TEAD1: variants seen among roughly 807,000 people sequenced by gnomAD.
TEAD1 encodes the protein transcriptional enhancer factor TEF-1.
In TEAD1, 9 loss-of-function variants were observed where a neutral mutation model predicts 54.9. The ratio of observed to expected loss-of-function variants is 0.16; its 90% CI spans 0.10 to 0.29. The LOEUF (loss-of-function observed/expected upper bound fraction) is 0.29, where lower values mean the gene tolerates loss of function less well. TEAD1 is among the 10% of genes least tolerant of loss of function. The pLI, the probability that TEAD1 is intolerant of heterozygous loss-of-function variation, is 1.00. For synonymous variants in TEAD1, 200 were observed against 187.8 expected, an observed-to-expected ratio of 1.07 and a Z score of -0.53; for missense variants, 387 against 535.9, an observed-to-expected ratio of 0.72 and a Z score of 2.74.
intron 4 of TEAD1, among the ~76,000 whole-genome samples, chr11:12,863,584 C>T (rs1006683660): frequency 3.3e-5 from 5 of 152,040 alleles, no homozygotes; most frequent in Non-Finnish European, 7.4e-5. Flanking sequence ...GTTTTAGAGC[C>T]GCTGGAGAGT....
At chr11:12,851,031 T>TTTTCATAATCTTCAGC in intron 3 of TEAD1, 1 of 972,890 alleles carries the variant, frequency 1.0e-6, no homozygotes, top group Non-Finnish European at 1.2e-6. Flanking sequence ...TGCTGTCTAA[T>TTTTCATAATCTTCAGC]TTTCATAATC....
At chr11:12,926,742 A>T (rs144849884) in intron 11 of TEAD1, among the ~76,000 whole-genome samples, 221 of 152,278 alleles carry the variant, frequency 1.5e-3, no homozygotes, top group African/African-American at 5.2e-3. Flanking sequence ...AAGTAGAGGG[A>T]GACATAAACA....
chr11:12,725,857 A>G (rs1345699588), intron 2 of TEAD1, among the ~76,000 whole-genome samples: 4 of 152,224 alleles, frequency 2.6e-5, no homozygotes, highest in Non-Finnish European at 5.9e-5. Context: ...GGTGTAAGCA[A>G]CACAAATCAC....
intron 12 of TEAD1, among the ~76,000 whole-genome samples, chr11:12,931,544 TCAATCAGCAG>T (rs1949010719): frequency 1.3e-5 from 2 of 152,314 alleles, no homozygotes; most frequent in African/African-American, 4.8e-5. Flanking sequence ...ACAGTGGCTT[TCAATCAGCAG>T]TGTTCTGTTT....
intron 3 of TEAD1, among the ~76,000 whole-genome samples, chr11:12,773,732 A>T (rs1457201702): frequency 1.3e-5 from 2 of 152,144 alleles, no homozygotes; most frequent in East Asian, 3.9e-4. Flanking sequence ...ATCTTTTCTC[A>T]TGGGCAAAGC....
At chr11:12,726,022 C>T (rs543867336) in intron 2 of TEAD1, among the ~76,000 whole-genome samples, 2 of 152,214 alleles carry the variant, frequency 1.3e-5, no homozygotes, top group East Asian at 1.9e-4. Flanking sequence ...TTTATTGAGC[C>T]AGTTTTGGGC....
chr11:12,853,942 GT>G lies in TEAD1; in HGVS notation c.203-8300del, dbSNP rs557829930. Among the ~76,000 whole-genome samples the G allele has an allele frequency of 9.9e-5, 15 of 152,078 alleles. No homozygotes were observed. In the South Asian group the frequency reaches 2.5e-3, roughly 25 times the overall value. On this transcript the variant is annotated intron_variant, in intron 3 of 12. Coordinates refer to ENST00000527636, the MANE Select transcript of TEAD1 (RefSeq NM_021961.6). ...TCTGTATGTTCTTTCTCTGAAAGCT[GT>G]TTTTTTTAATAAGCCCCTGGGTGAA...
At chr11:12,849,339 TC>T (rs768576491) in intron 3 of TEAD1, 3 of 152,008 alleles carry the variant, frequency 2.0e-5, no homozygotes, top group African/African-American at 4.8e-5. Flanking sequence ...GAGCCACCGT[TC>T]CCTGCAAAAG....
intron 2 of TEAD1, among the ~76,000 whole-genome samples, chr11:12,740,112 G>A (rs1255445519): frequency 1.3e-5 from 2 of 152,188 alleles, no homozygotes; most frequent in African/African-American, 4.8e-5. Context: ...GCAGTCTTAT[G>A]TGGTGGTTAT....
intron 2 of TEAD1, among the ~76,000 whole-genome samples, chr11:12,755,352 T>C (rs866157537): frequency 3.3e-5 from 5 of 152,208 alleles, no homozygotes; most frequent in African/African-American, 9.6e-5. Context: ...TACCGAGTTA[T>C]AATAATCGGA....
In TEAD1 at chr11:12,902,119, T is replaced by TAAGA; in HGVS notation, c.873+7_873+10dup. ...TCTTCCTCGTAAAATTCTGGGTGAG[T>TAAGA]AAGACATTGCTGTGATTTCCGTGGT... On this transcript the variant is annotated splice_region_variant and intron_variant, in intron 10 of 12. Coordinates refer to ENST00000527636, the MANE Select transcript of TEAD1 (RefSeq NM_021961.6). 1 of 1,614,174 alleles carries TAAGA rather than the reference T, an allele frequency of 6.2e-7. No individual in the cohort carries two copies. The highest frequency in any genetic ancestry group is 8.5e-7 in the Non-Finnish European group (1 of 1,180,028).
chr11:12,744,966 G>A (rs955472102), intron 2 of TEAD1, among the ~76,000 whole-genome samples: 4 of 152,138 alleles, frequency 2.6e-5, no homozygotes, highest in African/African-American at 9.7e-5. Context: ...CCTGAGCTGT[G>A]CTCTGCTCTG....
intron 3 of TEAD1, among the ~76,000 whole-genome samples, chr11:12,819,621 T>C (rs1946494707): frequency 6.6e-6 from 1 of 151,760 alleles, no homozygotes; most frequent in African/African-American, 2.4e-5. Context: ...GCTAATTTTT[T>C]TTTGTATTTT....
intron 2 of TEAD1, among the ~76,000 whole-genome samples, chr11:12,687,252 C>T (rs1943352775): frequency 6.6e-6 from 1 of 152,164 alleles, no homozygotes. Flanking sequence ...GCAGAAAGGT[C>T]CTGGAAAACT....
chr11:12,678,725 G>T (rs1427422109), intron 2 of TEAD1, among the ~76,000 whole-genome samples: 1 of 152,180 alleles, frequency 6.6e-6, no homozygotes, highest in East Asian at 1.9e-4. Context: ...AATACTTGGA[G>T]TGTTTTTCTG....
chr11:12,887,356 A>G (rs1948113424), intron 9 of TEAD1, among the ~76,000 whole-genome samples: 1 of 152,048 alleles, frequency 6.6e-6, no homozygotes, highest in African/African-American at 2.4e-5. Context: ...CGGCCTCCCA[A>G]AGTGCTGGGA....
intron 3 of TEAD1, among the ~76,000 whole-genome samples, chr11:12,777,394 T>C (rs1945450295): frequency 6.6e-6 from 1 of 152,192 alleles, no homozygotes; most frequent in Non-Finnish European, 1.5e-5. Flanking sequence ...TCTGCCTCTG[T>C]GCTCTGTGAC....
At position 12,917,274 on chromosome 11, in the gene TEAD1, T is replaced by G. The variant is rs567850541; in HGVS notation, c.874-7638T>G. On this transcript the variant is annotated intron_variant, in intron 10 of 12. Coordinates refer to ENST00000527636, the MANE Select transcript of TEAD1 (RefSeq NM_021961.6). ...GAGCAAGGGGCTCCGGGACAAGGAA[T>G]GTGGGTGGTCTCAGAAGCTGGAAGA... Among the ~76,000 whole-genome samples the G allele has an allele frequency of 8.5e-5, 13 of 152,154 alleles. No homozygotes were observed. The South Asian group carries it at 2.7e-3, about 32-fold the overall frequency.
chr11:12,881,909 G>C lies in TEAD1; in HGVS notation c.526G>C (p.Val176Leu), dbSNP rs1447277884. 6.2e-7 allele frequency: 1 copy of C among 1,614,194 alleles called. No individual in the cohort carries two copies. The highest frequency in any genetic ancestry group is 8.5e-7 in the Non-Finnish European group (1 of 1,180,028). ...CTCTGTTCCCAGCGTCAAGCCTTTT[G>C]TGCAGCAGGCCTACCCCATCCAGCC... The change falls in exon 8 of 13, where the codon GTG becomes CTG. Residue 176 changes from valine to leucine, a missense_variant. Transcript: ENST00000527636.
Sources: allele counts gnomAD v4.1 joint callset (sites outside exome capture counted in the v4.1 genomes callset), GRCh38; gene constraint gnomAD v4.1.1; transcripts MANE v1.5; gene names NCBI Gene and HGNC (gene_info 2026-07-23, HGNC 2026-07-21).